The following CEP128 variants were observed in gnomAD, a reference collection of about 807,000 sequenced individuals.
The protein encoded by CEP128 is centrosomal protein 128kDa.
Under a neutral mutation model 156.7 loss-of-function variants are expected in CEP128, and 132 were observed. That is an observed-to-expected ratio of 0.84 (90% CI 0.73 to 0.97). CEP128 has a LOEUF of 0.97. CEP128 is among the 50% of genes least tolerant of loss of function. The pLI, the probability that CEP128 is intolerant of heterozygous loss-of-function variation, is 0.00. For missense variants in CEP128, 1,252 were observed against 1,281.9 expected (o/e 0.98, Z 0.36); for synonymous variants, 469 against 448.9 (o/e 1.04, Z -0.57).
At chr14:80,559,966 A>G (rs1322310363) in intron 20 of CEP128, among the ~76,000 whole-genome samples, 1 of 152,238 alleles carries the variant, frequency 6.6e-6, no homozygotes, top group Non-Finnish European at 1.5e-5. Context: ...TCTCAACTCC[A>G]TAGTTGTATT....
At chr14:80,926,144 G>T (rs1885132468) in intron 2 of CEP128, among the ~76,000 whole-genome samples, 1 of 152,132 alleles carries the variant, frequency 6.6e-6, no homozygotes, top group South Asian at 2.1e-4. Context: ...AGAACCGAGG[G>T]GTGGGCAGAA....
At chr14:80,657,892 A>C (rs1015737675) in intron 19 of CEP128, among the ~76,000 whole-genome samples, 15 of 152,346 alleles carry the variant, frequency 9.8e-5, no homozygotes, top group Admixed American at 3.3e-4. Flanking sequence ...TACTGATGTT[A>C]GCAGGATACT....
At position 80,827,378 on chromosome 14, in the gene CEP128, T is replaced by C. The variant is rs373935706; in HGVS notation, c.1209+3765A>G. Among the ~76,000 whole-genome samples, 17 of 152,318 alleles carry C rather than the reference T, an allele frequency of 1.1e-4. No individual in the cohort carries two copies. In the South Asian group the frequency reaches 2.1e-3, roughly 19 times the overall value. ...AACCCATTTATAATCTCAACAGGAATAGAAGCTTTAAATTCATAAGTGGCT... is the reference window on the plus strand; with the variant it reads ...AACCCATTTATAATCTCAACAGGAACAGAAGCTTTAAATTCATAAGTGGCT... On this transcript the variant is annotated intron_variant, in intron 13 of 24. Coordinates refer to ENST00000555265, the MANE Select transcript of CEP128 (RefSeq NM_152446.5).
intron 8 of CEP128, among the ~76,000 whole-genome samples, chr14:80,864,345 G>A (rs1008088015): frequency 6.6e-6 from 1 of 152,096 alleles, no homozygotes; most frequent in Admixed American, 6.6e-5. Context: ...CAATGAATGA[G>A]TAGTTAAAAT....
At chr14:80,673,148 T>G (rs1595189667) in intron 19 of CEP128, among the ~76,000 whole-genome samples, 1 of 152,132 alleles carries the variant, frequency 6.6e-6, no homozygotes, top group African/African-American at 2.4e-5. Context: ...AACAGGAAAA[T>G]TTATAGTCTT....
intron 20 of CEP128, among the ~76,000 whole-genome samples, chr14:80,561,915 TG>T (rs1407520855): frequency 0.013 from 1,983 of 150,292 alleles, 50 homozygotes; most frequent in African/African-American, 0.047. Flanking sequence ...TATATATATT[TG>T]TTTTGTTTTG....
At chr14:80,711,295 TTGTGTGTGTGTGTGTGTGTGTGTG>T in intron 19 of CEP128, among the ~76,000 whole-genome samples, 1 of 145,740 alleles carries the variant, frequency 6.9e-6, no homozygotes, top group South Asian at 2.2e-4. Context: ...TAAGACTATG[TTGTGTGTGTGTGTGTGTGTGTGTG>T]TGTGTGTGTG....
chr14:80,645,524 A>G (rs1461068924), intron 19 of CEP128, among the ~76,000 whole-genome samples: 1 of 152,112 alleles, frequency 6.6e-6, no homozygotes, highest in Non-Finnish European at 1.5e-5. Context: ...TCTGAATAGG[A>G]TACGTAAAAT....
chr14:80,809,974 C>T (rs1884410432), intron 13 of CEP128, among the ~76,000 whole-genome samples: 1 of 151,796 alleles, frequency 6.6e-6, no homozygotes, highest in African/African-American at 2.4e-5. Flanking sequence ...CACAGAAAAT[C>T]AGCAAACCAC....
intron 20 of CEP128, among the ~76,000 whole-genome samples, chr14:80,561,299 C>A (rs1301729338): frequency 2.6e-5 from 4 of 152,164 alleles, no homozygotes; most frequent in African/African-American, 4.8e-5. Context: ...CTCACCCTTA[C>A]CCTCATAATT....
At chr14:80,727,428 G>T (rs1595295236) in intron 19 of CEP128, among the ~76,000 whole-genome samples, 1 of 151,874 alleles carries the variant, frequency 6.6e-6, no homozygotes, top group South Asian at 2.1e-4. Context: ...GCAATATTTT[G>T]CCAGAAAATA....
At position 80,689,299 on chromosome 14, in the gene CEP128, A is replaced by C. The variant is rs911129912; in HGVS notation, c.2806+53776T>G. Among the ~76,000 whole-genome samples the C allele has an allele frequency of 2.1e-3, 282 of 132,918 alleles. 1 individual carries two copies. Among genetic ancestry groups the C allele is most frequent in the African/African-American group, 0.01 (258 of 24,750 alleles). The allele number at this position is 132,918 out of a possible 152,430, so 87.2% of individuals were successfully genotyped here. On this transcript the variant is annotated intron_variant, in intron 19 of 24. Transcript: ENST00000555265. ...CAGCGAGACTCCGTCTCAAAAAAAA[A>C]AAAAAAAAAAAAAAAGAGAAATGCA...
intron 16 of CEP128, among the ~76,000 whole-genome samples, chr14:80,775,871 C>T (rs770463132): frequency 2.0e-5 from 3 of 152,156 alleles, no homozygotes; most frequent in Non-Finnish European, 4.4e-5. Context: ...CTCGCGCTGT[C>T]GCCCAGGCTG....
intron 2 of CEP128, among the ~76,000 whole-genome samples, chr14:80,920,925 T>C (rs1473140636): frequency 1.3e-5 from 2 of 152,154 alleles, no homozygotes; most frequent in Admixed American, 1.3e-4. Flanking sequence ...TTTCCAAAAA[T>C]TTCTCCTAAT....
At chr14:80,754,549 G>C (rs1274970700) in intron 18 of CEP128, among the ~76,000 whole-genome samples, 1 of 142,930 alleles carries the variant, frequency 7.0e-6, no homozygotes, top group East Asian at 2.1e-4. Context: ...TGCAACCTCT[G>C]CCTCCTGGGT....
At chr14:80,481,629 C>T (rs1352792208) in intron 14 of CEP128, among the ~76,000 whole-genome samples, 1 of 152,172 alleles carries the variant, frequency 6.6e-6, no homozygotes, top group Non-Finnish European at 1.5e-5. Context: ...GAAAGTGACC[C>T]AGTTATTCAA....
chr14:80,871,623 GAATT>G (rs2139259709), intron 8 of CEP128, among the ~76,000 whole-genome samples: 1 of 152,010 alleles, frequency 6.6e-6, no homozygotes, highest in South Asian at 2.1e-4. Flanking sequence ...CTAATAATAA[GAATT>G]ATTTTAAAGA....
At chr14:80,815,089 C>A (rs1000147177) in intron 13 of CEP128, among the ~76,000 whole-genome samples, 1 of 152,026 alleles carries the variant, frequency 6.6e-6, no homozygotes, top group Non-Finnish European at 1.5e-5. Flanking sequence ...CAAAAAAAAA[C>A]TTCTGCACAG....
intron 12 of CEP128, among the ~76,000 whole-genome samples, chr14:80,832,352 A>T (rs1417595205): frequency 3.9e-5 from 6 of 152,166 alleles, no homozygotes; most frequent in African/African-American, 1.4e-4. Flanking sequence ...ACTGTCTGTC[A>T]TTTTAAAACT....
Sources: allele counts gnomAD v4.1 joint callset (sites outside exome capture counted in the v4.1 genomes callset), GRCh38; gene constraint gnomAD v4.1.1; transcripts MANE v1.5; gene names NCBI Gene and HGNC (gene_info 2026-07-23, HGNC 2026-07-21).